Variants in FN1 observed in about 807,000 individuals in gnomAD.
The protein encoded by FN1 is fibronectin.
FN1 carries 106 observed loss-of-function variants against 297.3 expected under a neutral mutation model. That is an observed-to-expected ratio of 0.36 (90% CI 0.30 to 0.42). FN1 has a LOEUF of 0.42. FN1 is among the 10% of genes least tolerant of loss of function. FN1 has a pLI of 1.00. For synonymous variants in FN1, 1,149 were observed against 1,152.6 expected (o/e 1.00, Z 0.06); for missense variants, 2,690 against 3,124.9 (o/e 0.86, Z 3.32).
chr2:215,365,008 T>TG, intron 43 of FN1, 23 bp from the exon 44 acceptor site: 1 of 1,447,086 alleles, frequency 6.9e-7, no homozygotes, highest in Non-Finnish European at 9.5e-7. Context: ...ACAAGACAGA[T>TG]GCACGCATAA....
intron 41 of FN1, 22 bp downstream of exon 41, chr2:215,370,272 T>C: frequency 6.2e-7 from 1 of 1,613,448 alleles, no homozygotes; most frequent in East Asian, 2.2e-5. Context: ...AGCCTGTGTC[T>C]AAATAGTACG....
At chr2:215,386,589 TTTTTTGA>T in intron 28 of FN1, 93 bp downstream of exon 28, 1 of 578,130 alleles carries the variant, frequency 1.7e-6, no homozygotes. Context: ...TTTTTTTTTT[TTTTTTGA>T]GAGCTGATGA....
intron 1 of FN1, among the ~76,000 whole-genome samples, chr2:215,435,356 T>G (rs1408574796): frequency 6.6e-6 from 1 of 152,180 alleles, no homozygotes; most frequent in African/African-American, 2.4e-5. Context: ...ACATGCATCA[T>G]TTTTCTCTTT....
intron 4 of FN1, among the ~76,000 whole-genome samples, chr2:215,431,139 G>A (rs2066441049): frequency 6.6e-6 from 1 of 152,216 alleles, no homozygotes; most frequent in African/African-American, 2.4e-5. Context: ...CCAGTAGCAA[G>A]GATCTATGTA....
chr2:215,404,440 C>A lies in FN1; in HGVS notation c.3202G>T (p.Ala1068Ser). Residue 1068 changes from alanine (A) to serine (S), a missense_variant, in exon 20 of 46, where the codon GCC (alanine) becomes TCC (serine). Ala to Ser is a moderately conservative substitution (Grantham distance 99). This residue lies in a region of FN1 where 1,743 missense variants were observed against 1,945.2 expected (regional missense o/e 0.90). Transcript: ENST00000354785. ...GGGCTCTCTTGGTTGCCCTTTATGGCCACGAGGGATACGGTGTACTCAGAT... is the reference window on the plus strand; with the variant it reads ...GGGCTCTCTTGGTTGCCCTTTATGGACACGAGGGATACGGTGTACTCAGAT... ...PASEYTVSLV[A>S]IKGNQESPKA... is the part of the protein sequence containing the mutation. The A allele has an allele frequency of 1.2e-6, 2 of 1,614,060 alleles. No individual in the cohort carries two copies. Among genetic ancestry groups the A allele is most frequent in the Non-Finnish European group, 1.7e-6 (2 of 1,180,010 alleles).
intron 29 of FN1, 127 bp downstream of exon 29, chr2:215,384,733 A>G (rs2058682443): frequency 1.4e-6 from 1 of 729,958 alleles, no homozygotes; most frequent in African/African-American, 1.8e-5. Context: ...TTTCTTGGAA[A>G]AAACAAGGGC....
rs2106139044 is a variant in FN1, at chr2:215,364,987, T to TTGAATTCTCCTTTTCC, written c.7145-3_7145-2insGGAAAAGGAGAATTCA. On this transcript the variant is annotated splice_polypyrimidine_tract_variant and splice_region_variant and intron_variant, in intron 43 of 45. Transcript: ENST00000354785. ...CATCATCATAACACGTTGCCTCATCTGCATATAGACACAAGACAGATGCAC... is the reference window on the plus strand; with the variant it reads ...CATCATCATAACACGTTGCCTCATCTTGAATTCTCCTTTTCCGCATATAGACACAAGACAGATGCAC... 6.4e-7 allele frequency: 1 copy of TTGAATTCTCCTTTTCC among 1,555,134 alleles called. No homozygotes were observed. Among genetic ancestry groups the TTGAATTCTCCTTTTCC allele is most frequent in the Non-Finnish European group, 8.7e-7 (1 of 1,142,964 alleles).
chr2:215,361,836 G>A, intron 45 of FN1, 133 bp downstream of exon 45: 7 of 1,263,882 alleles, frequency 5.5e-6, no homozygotes, highest in Non-Finnish European at 7.7e-6. Flanking sequence ...GGAATACAGT[G>A]TTTCACTTAA....
At chr2:215,381,196 C>T in intron 32 of FN1, 116 bp from the exon 33 acceptor site, 1 of 1,016,452 alleles carries the variant, frequency 9.8e-7, no homozygotes, top group East Asian at 2.4e-5. Context: ...GTCCAATTAA[C>T]CCACTATCAA....
At chr2:215,408,528 GA>G in intron 15 of FN1, 102 bp from the exon 16 acceptor site, 1 of 1,130,434 alleles carries the variant, frequency 8.8e-7, no homozygotes, top group Non-Finnish European at 1.3e-6. Flanking sequence ...TATTCATAGG[GA>G]AAAGCGACTA....
At chr2:215,433,241 T>A (rs1291934201) in intron 3 of FN1, 83 bp downstream of exon 3, 1 of 1,555,592 alleles carries the variant, frequency 6.4e-7, no homozygotes, top group Admixed American at 1.7e-5. Flanking sequence ...TATCCAGTCA[T>A]GGATAACAGA....
chr2:215,414,751 G>A (rs918813608), intron 13 of FN1, 86 bp downstream of exon 13: 11 of 1,586,398 alleles, frequency 6.9e-6, no homozygotes, highest in Non-Finnish European at 9.5e-6. Flanking sequence ...CAGAGTTGTT[G>A]GCTCAAAAGC....
At chr2:215,390,919 C>T (rs565556561) in intron 26 of FN1, among the ~76,000 whole-genome samples, 1 of 152,308 alleles carries the variant, frequency 6.6e-6, no homozygotes, top group South Asian at 2.1e-4. Flanking sequence ...ATATATTTGA[C>T]TATTACAGTG....
intron 35 of FN1, among the ~76,000 whole-genome samples, chr2:215,377,058 A>G (rs12472383): frequency 8.8e-4 from 94 of 106,790 alleles, no homozygotes; most frequent in African/African-American, 3.3e-3. Flanking sequence ...GTGTGTGTGT[A>G]TGTGTGTGTG....
rs762184019 is a variant in FN1 at position 215,378,280 on chromosome 2, T to C, written c.5623-18A>G. On this transcript the variant is annotated intron_variant, in intron 34 of 45. Transcript: ENST00000354785. ...GTGGCCACCTAGAGAAATAAGGGCA[T>C]GGTGAGCTTTAGCAACGTCCTCAAC... The C allele has an allele frequency of 4.1e-6, 6 of 1,471,644 alleles. No individual in the cohort carries two copies. Among genetic ancestry groups the C allele is most frequent in the Admixed American group, 1.7e-5 (1 of 59,788 alleles). 91.2% of individuals were successfully genotyped at this position (1,471,644 alleles called of 1,614,324 possible). A position where few individuals can be genotyped will look rare whatever the true frequency, so the allele number is the denominator to read the frequency against.
chr2:215,370,196 T>A (rs2055588350), intron 41 of FN1, 98 bp downstream of exon 41: 1 of 1,278,056 alleles, frequency 7.8e-7, no homozygotes, highest in African/African-American at 1.5e-5. Context: ...ATCCCAAAGA[T>A]AAAAAGACAA....
chr2:215,379,431 T>TG (rs1361079785), intron 33 of FN1, 114 bp from the exon 34 acceptor site: 2 of 873,362 alleles, frequency 2.3e-6, no homozygotes, highest in African/African-American at 3.4e-5. Flanking sequence ...GTGGGTTCCC[T>TG]GGTCAAGCAA....
rs577560593 is a variant in FN1 at position 215,419,072 on chromosome 2, G to C, written c.1819+170C>G. Among the ~76,000 whole-genome samples the C allele has an allele frequency of 2.6e-5, 4 of 152,312 alleles. No individual in the cohort carries two copies. The East Asian group carries it at 5.8e-4, about 22-fold the overall frequency. On this transcript the variant is annotated intron_variant, in intron 12 of 45. Coordinates refer to ENST00000354785, the MANE Select transcript of FN1 (RefSeq NM_212482.4). ...CTCTACCTTTTACTTGATAGAGGAA[G>C]AGAGAAAAATTATTTTAATCAAAAA...
rs372805733 is a variant in FN1, at chr2:215,420,628, C to G, written c.1675+45G>C. ...GCTTTTCTTATCTGAAACTTGCTAA[C>G]CATTCCCCCTGTGCAAACTCATCTA... On this transcript the variant is annotated intron_variant, in intron 11 of 45. Transcript: ENST00000354785. 2.5e-6 allele frequency: 4 copies of G among 1,612,618 alleles called. No homozygotes were observed. The Admixed American group carries it at 5.0e-5, about 20-fold the overall frequency.
Sources: allele counts gnomAD v4.1 joint callset (sites outside exome capture counted in the v4.1 genomes callset), GRCh38; gene constraint gnomAD v4.1.1; regional missense constraint gnomAD v4.1.1; transcripts MANE v1.5; gene names NCBI Gene and HGNC (gene_info 2026-07-23, HGNC 2026-07-21).